BMPR2: variants seen among roughly 807,000 people sequenced by gnomAD.
BMPR2 encodes bone morphogenetic protein receptor type 2, also known as bone morphogenetic protein receptor type-2.
BMPR2 carries 29 observed loss-of-function variants against 100.8 expected under a neutral mutation model. The observed-to-expected ratio is 0.29, with a 90% CI of 0.21 to 0.39. The LOEUF (loss-of-function observed/expected upper bound fraction) is 0.39, where lower values mean the gene tolerates loss of function less well. Ranked by LOEUF, BMPR2 falls within the 10% of genes least tolerant of loss-of-function variation. The pLI is 1.00. For missense variants in BMPR2, 1,011 were observed against 1,274.5 expected, an observed-to-expected ratio of 0.79 and a Z score of 3.15; for synonymous variants, 382 against 442.3, an observed-to-expected ratio of 0.86 and a Z score of 1.71.
At position 202,543,773 on chromosome 2, in the gene BMPR2, A is replaced by G. The variant is rs144832923; in HGVS notation, c.1413+1326A>G. 9.1e-3 allele frequency among the ~76,000 whole-genome samples: 1,389 copies of G among 152,324 alleles called. 10 individuals are homozygous for G. The highest frequency in any genetic ancestry group is 0.014 in the Middle Eastern group (4 of 294). ...CTGTAAATTCATCTAATATTTAAAT[A>G]CAATAACGAGAAATTTTTGGTATTA... On this transcript the variant is annotated intron_variant, in intron 10 of 12. Coordinates refer to ENST00000374580, the MANE Select transcript of BMPR2 (RefSeq NM_001204.7).
At position 202,534,981 on chromosome 2, in the gene BMPR2, T is replaced by G. The variant is rs1428579085; in HGVS notation, c.1276+2249T>G. Among the ~76,000 whole-genome samples, 40 of 70,712 alleles carry G rather than the reference T, an allele frequency of 5.7e-4. 5 individuals carry two copies. The highest frequency in any genetic ancestry group is 1.3e-3 in the African/African-American group (23 of 18,166). The allele number at this position is 70,712 out of a possible 152,430, so 46.4% of individuals were successfully genotyped here. Reference sequence around the variant, plus strand: ...CCCCCCCACCTCCTGGCCGGGCGGGTGGCTGACCCCCTGCCACCTCCCTCC... The same window carrying G: ...CCCCCCCACCTCCTGGCCGGGCGGGGGGCTGACCCCCTGCCACCTCCCTCC... On this transcript the variant is annotated intron_variant, in intron 9 of 12. Transcript: ENST00000374580.
chr2:202,470,001 T>C (rs1275777805), intron 3 of BMPR2, among the ~76,000 whole-genome samples: 1 of 152,142 alleles, frequency 6.6e-6, no homozygotes, highest in Non-Finnish European at 1.5e-5. Context: ...CTTTTAGTAG[T>C]GTGGGCAAAG....
chr2:202,498,319 G>A (rs934339289), intron 3 of BMPR2, among the ~76,000 whole-genome samples: 2 of 152,184 alleles, frequency 1.3e-5, no homozygotes, highest in Non-Finnish European at 2.9e-5. Flanking sequence ...ACCTTCCTCC[G>A]TCCTCCATGT....
chr2:202,484,595 C>G (rs1404661740), intron 3 of BMPR2, among the ~76,000 whole-genome samples: 1 of 151,482 alleles, frequency 6.6e-6, no homozygotes, highest in African/African-American at 2.4e-5. Flanking sequence ...ATGGCGTGAA[C>G]CTGGGAGGCG....
chr2:202,384,411 C>CTA (rs1488763709), intron 1 of BMPR2, among the ~76,000 whole-genome samples: 3 of 152,080 alleles, frequency 2.0e-5, no homozygotes, highest in African/African-American at 7.2e-5. Flanking sequence ...AGGCATTGGC[C>CTA]TAAGAATTTT....
At chr2:202,468,044 A>G (rs1281475199) in intron 3 of BMPR2, among the ~76,000 whole-genome samples, 1 of 151,978 alleles carries the variant, frequency 6.6e-6, no homozygotes, top group Non-Finnish European at 1.5e-5. Context: ...TGAACCTAAA[A>G]GAAAAAAAAA....
At chr2:202,423,782 C>T (rs1691322136) in intron 1 of BMPR2, among the ~76,000 whole-genome samples, 1 of 152,050 alleles carries the variant, frequency 6.6e-6, no homozygotes. Context: ...AGGCCAGGTA[C>T]AGTGGCTCAT....
At chr2:202,496,052 C>T (rs1029756590) in intron 3 of BMPR2, among the ~76,000 whole-genome samples, 1 of 152,196 alleles carries the variant, frequency 6.6e-6, no homozygotes, top group African/African-American at 2.4e-5. Context: ...TAGGACAACT[C>T]AAAAAAGTAG....
chr2:202,447,288 G>T (rs1166077141), intron 1 of BMPR2, among the ~76,000 whole-genome samples: 1 of 150,460 alleles, frequency 6.6e-6, no homozygotes, highest in Non-Finnish European at 1.5e-5. Context: ...GAGCCTGGGC[G>T]ATGCTGTGAG....
chr2:202,525,730 A>G (rs1687897274), intron 7 of BMPR2, among the ~76,000 whole-genome samples: 1 of 152,104 alleles, frequency 6.6e-6, no homozygotes, highest in Admixed American at 6.6e-5. Flanking sequence ...GTTACTAGGT[A>G]GGAAGAGAAG....
At chr2:202,450,264 C>T (rs1161303085) in intron 1 of BMPR2, among the ~76,000 whole-genome samples, 1 of 152,146 alleles carries the variant, frequency 6.6e-6, no homozygotes, top group Non-Finnish European at 1.5e-5. Context: ...GATCTCTTTC[C>T]TACTATGATC....
chr2:202,531,040 C>T (rs1374856512), intron 8 of BMPR2, 86 bp downstream of exon 8: 29 of 1,512,346 alleles, frequency 1.9e-5, no homozygotes, highest in Admixed American at 7.1e-5. Flanking sequence ...TGGTGGCTCA[C>T]GCCTGTAATC....
intron 3 of BMPR2, among the ~76,000 whole-genome samples, chr2:202,513,289 G>A (rs1348339754): frequency 2.0e-5 from 3 of 152,098 alleles, no homozygotes; most frequent in East Asian, 1.9e-4. Context: ...TATTCTTGAC[G>A]TTGTGTTAAG....
At chr2:202,396,424 A>C (rs1430187922) in intron 1 of BMPR2, among the ~76,000 whole-genome samples, 1 of 152,228 alleles carries the variant, frequency 6.6e-6, no homozygotes, top group African/African-American at 2.4e-5. Flanking sequence ...TAGCAGTAAA[A>C]GCAGTGCAGA....
Position 202,534,210 on chromosome 2 carries a change from C to CGT in BMPR2, c.1276+1489_1276+1490dup, listed in dbSNP as rs371342632. Among the ~76,000 whole-genome samples, 108 of 144,810 alleles carry CGT rather than the reference C, an allele frequency of 7.5e-4. 4 individuals carry two copies. In the East Asian group the frequency reaches 0.02, roughly 27 times the overall value. ...CACACACACACACATATATATGTATCGTGTGTGTGTGTATATATATATATA... is the reference window on the plus strand; with the variant it reads ...CACACACACACACATATATATGTATCGTGTGTGTGTGTGTATATATATATATA... On this transcript the variant is annotated intron_variant, in intron 9 of 12. Coordinates refer to ENST00000374580, the MANE Select transcript of BMPR2 (RefSeq NM_001204.7).
rs191822894 is a variant in BMPR2, at chr2:202,567,247, A to G, written c.*7301A>G. The G allele has an allele frequency of 2.0e-5, 3 of 152,766 alleles. No individual in the cohort carries two copies. Among genetic ancestry groups the G allele is most frequent in the East Asian group, 3.9e-4 (2 of 5,188 alleles). The allele number at this position is 152,766 out of a possible 1,614,324, so 9.5% of individuals were successfully genotyped here. On this transcript the variant is annotated 3_prime_UTR_variant, in exon 13 of 13. Transcript: ENST00000374580. ...GCTGTCATGCTTTTTCTGAATGGAC[A>G]GGAGAAACATAAGCTACGGAGTATT...
At chr2:202,462,124 C>A (rs1692236244) in intron 1 of BMPR2, among the ~76,000 whole-genome samples, 1 of 152,120 alleles carries the variant, frequency 6.6e-6, no homozygotes, top group Non-Finnish European at 1.5e-5. Flanking sequence ...AGTGAAAATG[C>A]TTCAGGCATT....
At position 202,426,270 on chromosome 2, in the gene BMPR2, G is replaced by A. The variant is rs148579820; in HGVS notation, c.77-38539G>A. Among the ~76,000 whole-genome samples, 12 of 152,170 alleles carry A rather than the reference G, an allele frequency of 7.9e-5. No homozygotes were observed. The East Asian group carries it at 2.3e-3, about 29-fold the overall frequency. The stretch of plus-strand genomic sequence containing the variant: ...GTTATTTAAAGCCACTGAGATTTTG[G>A]GATTGTTATTGCATATAATTTAGTT... On this transcript the variant is annotated intron_variant, in intron 1 of 12. Transcript: ENST00000374580.
chr2:202,385,743 G>C (rs1690415351), intron 1 of BMPR2, among the ~76,000 whole-genome samples: 1 of 149,052 alleles, frequency 6.7e-6, no homozygotes, highest in Admixed American at 6.7e-5. Flanking sequence ...TTTTTACATA[G>C]AATAATATAG....
Sources: gnomAD v4.1 joint callset for allele counts (sites outside exome capture counted in the v4.1 genomes callset) on GRCh38, gnomAD v4.1.1 for gene constraint, MANE v1.5 for transcripts, NCBI Gene and HGNC (gene_info 2026-07-23, HGNC 2026-07-21) for gene names.